ZNF530: variants seen among roughly 807,000 people sequenced by gnomAD.
ZNF530 encodes zinc finger protein 530.
In ZNF530, 5 loss-of-function variants were observed where a neutral mutation model predicts 2.8. The observed-to-expected ratio is 1.80, with a 90% confidence interval of 0.94 to 3.78. ZNF530 has a LOEUF of 3.78. Ranked by LOEUF, ZNF530 falls within the 30% of genes most tolerant of loss-of-function variation. The pLI is 0.00. For synonymous variants in ZNF530, 229 were observed against 235.0 expected (o/e 0.97, Z 0.23); for missense variants, 619 against 673.3 (o/e 0.92, Z 0.89).
chr19:57,599,962 G>A lies in ZNF530; in HGVS notation c.-294G>A. 1 of 956,750 alleles carries A rather than the reference G, an allele frequency of 1.0e-6. No individual in the cohort carries two copies. Among genetic ancestry groups the A allele is most frequent in the Non-Finnish European group, 1.5e-6 (1 of 670,562 alleles). The allele number at this position is 956,750 out of a possible 1,614,324, so 59.3% of individuals were successfully genotyped here. A position where few individuals can be genotyped will look rare whatever the true frequency, so the allele number is the denominator to read the frequency against. On this transcript the variant is annotated 5_prime_UTR_variant, in exon 1 of 4. Transcript: ENST00000597700. ...TCCGCGGGTGCCGGATCTGGACCTA[G>A]GTGCTGACAGCGAGAAGGCGCGAGG...
chr19:57,611,661 T>C (rs1179171090), downstream of ZNF530, among the ~76,000 whole-genome samples: 1 of 152,088 alleles, frequency 6.6e-6, no homozygotes. Flanking sequence ...TTTCTATCTG[T>C]TGGAAAACTC....
intron 1 of ZNF530, 66 bp downstream of exon 1, chr19:57,600,200 T>A (rs763321792): frequency 5.3e-6 from 8 of 1,518,006 alleles, no homozygotes; most frequent in Non-Finnish European, 7.1e-6. Context: ...GCGTGAAGGG[T>A]TTTCTGCAGC....
rs1023627581 is a variant in ZNF530, at chr19:57,599,994, G to A, written c.-262G>A. The A allele has an allele frequency of 8.0e-5, 103 of 1,292,542 alleles. No individual in the cohort carries two copies. The highest frequency in any genetic ancestry group is 3.6e-4 in the South Asian group (22 of 61,484). 80.1% of individuals were successfully genotyped at this position (1,292,542 alleles called of 1,614,324 possible). On this transcript the variant is annotated 5_prime_UTR_variant, in exon 1 of 4. Coordinates refer to ENST00000597700, the MANE Select transcript of ZNF530 (RefSeq NM_001321981.2). The stretch of plus-strand genomic sequence containing the variant: ...ACAGCGAGAAGGCGCGAGGAGAGTC[G>A]TTTTCTCAGCTGCACAGCCGGGGCC...
At chr19:57,600,392 G>C (rs554897952) in intron 1 of ZNF530, among the ~76,000 whole-genome samples, 1 of 152,246 alleles carries the variant, frequency 6.6e-6, no homozygotes, top group East Asian at 1.9e-4. Flanking sequence ...AGAGGGTGGG[G>C]CAGCGCCGCG....
Position 57,608,409 on chromosome 19 carries a change from T to G in ZNF530, c.*1084T>G, listed in dbSNP as rs1242921686. The G allele has an allele frequency of 6.6e-6, 1 of 152,146 alleles. No individual in the cohort carries two copies. The highest frequency in any genetic ancestry group is 1.5e-5 in the Non-Finnish European group (1 of 68,024). 9.4% of individuals were successfully genotyped at this position (152,146 alleles called of 1,614,324 possible). On this transcript the variant is annotated 3_prime_UTR_variant, in exon 4 of 4. Coordinates refer to ENST00000597700, the MANE Select transcript of ZNF530 (RefSeq NM_001321981.2). ...GGACAGTATGCTCACAGAATATAGA[T>G]TTTGCTCCATTTTTGGCCTATTTCG...
intron 2 of ZNF530, among the ~76,000 whole-genome samples, chr19:57,602,255 G>A (rs1461381144): frequency 6.6e-6 from 1 of 152,144 alleles, no homozygotes; most frequent in Non-Finnish European, 1.5e-5. Context: ...AGAAAGCAAG[G>A]AATCTCTTTC....
chr19:57,606,912 T>C lies in ZNF530; in HGVS notation c.1288T>C (p.Tyr430His). 6.2e-7 allele frequency: 1 copy of C among 1,613,728 alleles called. No homozygotes were observed. The highest frequency in any genetic ancestry group is 8.5e-7 in the Non-Finnish European group (1 of 1,179,944). Reference protein sequence around the residue: ...HRRAHTKTKPYECSECEKSFS... With the variant: ...HRRAHTKTKPHECSECEKSFS... ...AAGAGCTCACACTAAAACAAAGCCT[T>C]ATGAGTGCAGTGAATGTGAAAAATC... Residue 430 changes from tyrosine (Y) to histidine (H), a missense_variant, in exon 4 of 4, where the codon TAT becomes CAT. By Grantham distance (83) the Tyr-to-His change is moderately conservative. Coordinates refer to ENST00000597700, the MANE Select transcript of ZNF530 (RefSeq NM_001321981.2).
At position 57,600,061 on chromosome 19, in the gene ZNF530, G is replaced by C. The variant is rs1980142137; in HGVS notation, c.-195G>C. 6.6e-7 allele frequency: 1 copy of C among 1,509,290 alleles called. No individual in the cohort carries two copies. The highest frequency in any genetic ancestry group is 8.9e-7 in the Non-Finnish European group (1 of 1,117,412). The allele number at this position is 1,509,290 out of a possible 1,614,324, so 93.5% of individuals were successfully genotyped here. ...TGGTGACAGCTTTGCTCTTGTCTCCGCCCGGATCGTCCACCGCTCCCGGCC... is the reference window on the plus strand; with the variant it reads ...TGGTGACAGCTTTGCTCTTGTCTCCCCCCGGATCGTCCACCGCTCCCGGCC... On this transcript the variant is annotated 5_prime_UTR_variant, in exon 1 of 4. Coordinates refer to ENST00000597700, the MANE Select transcript of ZNF530 (RefSeq NM_001321981.2).
chr19:57,600,145 C>T lies in ZNF530; in HGVS notation c.-122+11C>T, dbSNP rs1980155311. On this transcript the variant is annotated intron_variant, in intron 1 of 3. Coordinates refer to ENST00000597700, the MANE Select transcript of ZNF530 (RefSeq NM_001321981.2). The stretch of plus-strand genomic sequence containing the variant: ...AGGGCCCCGACCCAGGTGAGCGCTG[C>T]GTCCTCCCGGCCTCCTCTGCCCTCC... 1 of 1,568,108 alleles carries T rather than the reference C, an allele frequency of 6.4e-7. No homozygotes were observed. Among genetic ancestry groups the T allele is most frequent in the Non-Finnish European group, 8.7e-7 (1 of 1,155,582 alleles).
downstream of ZNF530, among the ~76,000 whole-genome samples, chr19:57,611,704 T>C (rs1980885520): frequency 6.6e-6 from 1 of 152,030 alleles, no homozygotes; most frequent in Non-Finnish European, 1.5e-5. Flanking sequence ...TGGCCACTTA[T>C]CATCTCAGAG....
At chr19:57,610,432 G>C (rs1003527378), downstream of ZNF530, among the ~76,000 whole-genome samples, 1 of 151,932 alleles carries the variant, frequency 6.6e-6, no homozygotes, top group African/African-American at 2.4e-5. Context: ...GTGTGTGTGT[G>C]TGTGTGTGTG....
rs1980688965 is a variant in ZNF530, at chr19:57,607,984, C to T, written c.*659C>T. 1 of 152,646 alleles carries T rather than the reference C, an allele frequency of 6.6e-6. No homozygotes were observed. Among genetic ancestry groups the T allele is most frequent in the Non-Finnish European group, 1.5e-5 (1 of 68,448 alleles). The allele number at this position is 152,646 out of a possible 1,614,324, so 9.5% of individuals were successfully genotyped here. On this transcript the variant is annotated 3_prime_UTR_variant, in exon 4 of 4. Coordinates refer to ENST00000597700, the MANE Select transcript of ZNF530 (RefSeq NM_001321981.2). The stretch of plus-strand genomic sequence containing the variant: ...GCATCAGTCACCACCCCAACATGCT[C>T]AGGGAGGCAGAGTTCTTCCATTAGT...
chr19:57,607,393 G>T lies in ZNF530; in HGVS notation c.*68G>T. 2.7e-6 allele frequency: 4 copies of T among 1,473,188 alleles called. No individual in the cohort carries two copies. Among genetic ancestry groups the T allele is most frequent in the Non-Finnish European group, 3.6e-6 (4 of 1,104,504 alleles). The allele number at this position is 1,473,188 out of a possible 1,614,324, so 91.3% of individuals were successfully genotyped here. A position where few individuals can be genotyped will look rare whatever the true frequency, so the allele number is the denominator to read the frequency against. On this transcript the variant is annotated 3_prime_UTR_variant, in exon 4 of 4. Transcript: ENST00000597700. ...TGGAATTTTGCTCGTCACCCAGGCT[G>T]GAGTGCAATTGTGCAATCTCAGCTC...
In ZNF530 at chr19:57,607,312, T is replaced by C. The variant is rs1248060057; in HGVS notation, c.1688T>C (p.Val563Ala). 1.9e-6 allele frequency: 3 copies of C among 1,588,368 alleles called. No homozygotes were observed. The highest frequency in any genetic ancestry group is 4.5e-5 in the East Asian group (2 of 44,636). ...TCTGGCCTCTTAAGACACAGAAGAG[T>C]TCATGTGCAGTGAATGTGGGAAATT... Reference protein sequence around the residue: ...QSSGLLRHRRVHVQ With the variant: ...QSSGLLRHRRAHVQ Residue 563 changes from valine (V) to alanine (A), a missense_variant, in exon 4 of 4, where the codon GTT (valine) becomes GCT (alanine). By Grantham distance (64) the Val-to-Ala change is moderately conservative. Transcript: ENST00000597700.
At position 57,606,301 on chromosome 19, in the gene ZNF530, A is replaced by C; in HGVS notation, c.677A>C (p.Lys226Thr). The change falls in exon 4 of 4, where the codon AAA (lysine) becomes ACA (threonine). Residue 226 changes from lysine (K) to threonine (T), a missense_variant. Lys to Thr is a moderately conservative substitution (Grantham distance 78). Coordinates refer to ENST00000597700, the MANE Select transcript of ZNF530 (RefSeq NM_001321981.2). ...SQSSGFLRHRKAHGRTRTHEC... is the reference protein window; with the variant it reads ...SQSSGFLRHRTAHGRTRTHEC... ...AGTTCTGGCTTTCTTCGACACAGGAAAGCACACGGTAGAACAAGGACTCAT... is the reference window on the plus strand; with the variant it reads ...AGTTCTGGCTTTCTTCGACACAGGACAGCACACGGTAGAACAAGGACTCAT... 1.2e-6 allele frequency: 2 copies of C among 1,611,892 alleles called. No individual in the cohort carries two copies. The highest frequency in any genetic ancestry group is 1.7e-5 in the Admixed American group (1 of 59,882).
chr19:57,610,424 GT>G (rs1980829987), downstream of ZNF530, among the ~76,000 whole-genome samples: 4 of 151,710 alleles, frequency 2.6e-5, no homozygotes, highest in Non-Finnish European at 5.9e-5. Context: ...GTGTGTGTGT[GT>G]GTGTGTGTGT....
In ZNF530 at chr19:57,604,319, CA is replaced by C; in HGVS notation, c.-26del. On this transcript the variant is annotated 5_prime_UTR_variant, in exon 3 of 4. It introduces an in-frame stop codon into an upstream open reading frame of the 5' UTR. Transcript: ENST00000597700. Reference sequence around the variant, plus strand: ...TGAGGATGTGGCCATTTACTTCTCCCAGGAGGAGTGGGAGCTCCTTGATGAG... The same window carrying C: ...TGAGGATGTGGCCATTTACTTCTCCCGGAGGAGTGGGAGCTCCTTGATGAG... 1 of 1,614,110 alleles carries C rather than the reference CA, an allele frequency of 6.2e-7. No individual in the cohort carries two copies. The highest frequency in any genetic ancestry group is 8.5e-7 in the Non-Finnish European group (1 of 1,179,980).
In ZNF530 at chr19:57,607,234, C is replaced by G; in HGVS notation, c.1610C>G (p.Thr537Ser). 6.2e-7 allele frequency: 1 copy of G among 1,614,182 alleles called. No individual in the cohort carries two copies. The highest frequency in any genetic ancestry group is 8.5e-7 in the Non-Finnish European group (1 of 1,180,044). ...NHLIQHKTVH[T>S]GERPYECSEC... is the part of the protein sequence containing the mutation. ...CTCATTCAACACAAGACAGTTCACA[C>G]TGGAGAAAGGCCTTATGAATGCAGT... The change falls in exon 4 of 4, where the codon ACT becomes AGT. Residue 537 changes from threonine (T) to serine (S), a missense_variant. Physicochemically the swap from Thr to Ser is moderately conservative, Grantham distance 58. Transcript: ENST00000597700.
intron 2 of ZNF530, 63 bp from the exon 3 acceptor site, chr19:57,604,214 G>A: frequency 6.2e-7 from 1 of 1,609,302 alleles, no homozygotes; most frequent in Non-Finnish European, 8.5e-7. Flanking sequence ...ATGGATGTTT[G>A]GGGGAATCAA....
Sources: allele counts gnomAD v4.1 joint callset (sites outside exome capture counted in the v4.1 genomes callset), GRCh38; gene constraint gnomAD v4.1.1; transcripts MANE v1.5; gene names NCBI Gene and HGNC (gene_info 2026-07-23, HGNC 2026-07-21).